PI4K2A: variants seen among roughly 807,000 people sequenced by gnomAD.
PI4K2A encodes the protein phosphatidylinositol 4-kinase type 2-alpha.
Under a neutral mutation model 55.0 loss-of-function variants are expected in PI4K2A, and 20 were observed. The observed-to-expected ratio is 0.36, with a 90% CI of 0.26 to 0.53. PI4K2A has a LOEUF of 0.53. Ranked by LOEUF, PI4K2A falls within the 20% of genes least tolerant of loss-of-function variation. The pLI is 0.91. For missense variants in PI4K2A, 463 were observed against 637.1 expected (o/e 0.73, Z 2.94); for synonymous variants, 235 against 258.5 (o/e 0.91, Z 0.87).
Position 97,656,758 on chromosome 10 carries a change from A to G in PI4K2A, c.769-63A>G, listed in dbSNP as rs2041556798. 6.6e-7 allele frequency: 1 copy of G among 1,505,634 alleles called. No individual in the cohort carries two copies. The highest frequency in any genetic ancestry group is 9.2e-7 in the Non-Finnish European group (1 of 1,086,262). The allele number at this position is 1,505,634 out of a possible 1,614,324, so 93.3% of individuals were successfully genotyped here. ...GGGCCTTAATGGGTATCTGGCATAT[A>G]CTCCAAAGGTCTTTGGATTTGGGCA... On this transcript the variant is annotated intron_variant, in intron 3 of 8. Transcript: ENST00000370631. This position sits in a 1 kb window ranked among gnomAD's most constrained non-coding sequence, Gnocchi z 4.5.
At chr10:97,667,180 T>C in intron 8 of PI4K2A, 60 bp downstream of exon 8, 4 of 1,266,062 alleles carry the variant, frequency 3.2e-6, no homozygotes, top group Non-Finnish European at 4.6e-6. Context: ...TGTGCTCAGG[T>C]TGAGCAAATG....
chr10:97,642,917 C>CTTTCTTTCT (rs750027122), intron 1 of PI4K2A, among the ~76,000 whole-genome samples: 211 of 123,688 alleles, frequency 1.7e-3, no homozygotes, highest in East Asian at 2.6e-3. Context: ...TCCTTCCTTC[C>CTTTCTTTCT]TTCCTTCCTT....
chr10:97,654,435 T>C (rs1362221493), intron 2 of PI4K2A, among the ~76,000 whole-genome samples: 1 of 152,090 alleles, frequency 6.6e-6, no homozygotes, highest in African/African-American at 2.4e-5. Context: ...CATGGAGCGA[T>C]AGATGAGAGG....
chr10:97,652,037 G>A (rs993279087), intron 2 of PI4K2A, among the ~76,000 whole-genome samples: 2 of 152,008 alleles, frequency 1.3e-5, no homozygotes, highest in Non-Finnish European at 2.9e-5. Flanking sequence ...TCCTGGCTCC[G>A]TGCTTAGTCT....
intron 8 of PI4K2A, 97 bp downstream of exon 8, chr10:97,667,217 C>CTT: frequency 4.2e-5 from 34 of 815,638 alleles, no homozygotes; most frequent in South Asian, 1.0e-4. Context: ...TATACCCCCC[C>CTT]CTTTTTTTTT....
chr10:97,654,347 C>T (rs2041542578), intron 2 of PI4K2A, among the ~76,000 whole-genome samples: 1 of 152,074 alleles, frequency 6.6e-6, no homozygotes, highest in Admixed American at 6.6e-5. Flanking sequence ...CCTGAGTTTT[C>T]TGATTTGTAA....
chr10:97,666,322 T>C, intron 6 of PI4K2A, 116 bp from the exon 7 acceptor site: 1 of 881,232 alleles, frequency 1.1e-6, no homozygotes, highest in East Asian at 2.5e-5. Flanking sequence ...TTTTTGTTTC[T>C]GTTGTATGTC....
rs2041558426 is a variant in PI4K2A, at chr10:97,657,038, A to G, written c.922+64A>G. 7.7e-6 allele frequency: 12 copies of G among 1,548,554 alleles called. No individual in the cohort carries two copies. The South Asian group carries it at 1.3e-4, about 17-fold the overall frequency. ...TGTGTTGAGGCATGGGGAGGCCTGGAGGCTTGCAGGGCTTGGGAGTCAGAG... is the reference window on the plus strand; with the variant it reads ...TGTGTTGAGGCATGGGGAGGCCTGGGGGCTTGCAGGGCTTGGGAGTCAGAG... On this transcript the variant is annotated intron_variant, in intron 4 of 8. Transcript: ENST00000370631.
exon 9 of PI4K2A, chr10:97,674,075 ATATTC>A: frequency 4.5e-6 from 1 of 223,836 alleles, no homozygotes; most frequent in South Asian, 1.6e-4. Flanking sequence ...ATTCCCTATT[ATATTC>A]TGCATCAGAA....
intron 5 of PI4K2A, among the ~76,000 whole-genome samples, chr10:97,663,867 T>TG (rs2041598126): frequency 6.6e-6 from 1 of 150,544 alleles, no homozygotes; most frequent in South Asian, 2.1e-4. Context: ...CTTGCTCTGT[T>TG]GCGCAGGCTG....
In PI4K2A at chr10:97,656,805, T is replaced by C; in HGVS notation, c.769-16T>C. 6.2e-7 allele frequency: 1 copy of C among 1,613,752 alleles called. No individual in the cohort carries two copies. Among genetic ancestry groups the C allele is most frequent in the Non-Finnish European group, 8.5e-7 (1 of 1,179,620 alleles). ...GGCAGTAGGGAAAAACCTTTGTTCC[T>C]TCCTCTTGGTTCCAGGTTGGTTCAT... On this transcript the variant is annotated splice_polypyrimidine_tract_variant and intron_variant, in intron 3 of 8. Transcript: ENST00000370631. This position sits in a 1 kb window ranked among gnomAD's most constrained non-coding sequence, Gnocchi z 4.5.
intron 6 of PI4K2A, among the ~76,000 whole-genome samples, chr10:97,665,908 T>C (rs1000458921): frequency 6.6e-6 from 1 of 152,210 alleles, no homozygotes; most frequent in African/African-American, 2.4e-5. Context: ...AATTTTTTAA[T>C]TTGTTATTTT....
At chr10:97,658,852 G>A (rs917555427) in intron 4 of PI4K2A, among the ~76,000 whole-genome samples, 1 of 152,078 alleles carries the variant, frequency 6.6e-6, no homozygotes, top group African/African-American at 2.4e-5. Flanking sequence ...CTTCTTATGT[G>A]CTGATTGGCC....
intron 4 of PI4K2A, among the ~76,000 whole-genome samples, chr10:97,662,218 G>T (rs2041587668): frequency 6.6e-6 from 1 of 152,094 alleles, no homozygotes; most frequent in Non-Finnish European, 1.5e-5. Context: ...TTTAAAGTCT[G>T]TATATTTTTA....
chr10:97,644,792 T>G (rs1794856522), intron 1 of PI4K2A, among the ~76,000 whole-genome samples: 1 of 152,196 alleles, frequency 6.6e-6, no homozygotes, highest in Admixed American at 6.5e-5. Flanking sequence ...AACTATAGTC[T>G]TTTTTCTTTT....
intron 8 of PI4K2A, among the ~76,000 whole-genome samples, chr10:97,671,333 T>C (rs2135763514): frequency 6.6e-6 from 1 of 152,258 alleles, no homozygotes; most frequent in East Asian, 1.9e-4. Flanking sequence ...ATGCCTGTTA[T>C]CCCAACACTT....
exon 1 of PI4K2A, chr10:97,640,974 G>A: frequency 6.6e-7 from 1 of 1,525,054 alleles, no homozygotes; most frequent in Non-Finnish European, 8.8e-7. Context: ...CCAAACCGTG[G>A]CGGCGCAGGC....
At chr10:97,671,829 G>A (rs7098558) in intron 8 of PI4K2A, among the ~76,000 whole-genome samples, 71,980 of 151,614 alleles carry the variant, frequency 0.47, 18,200 homozygotes, top group African/African-American at 0.66. Flanking sequence ...TGTAGAGATG[G>A]GGTTTCTCAA....
At chr10:97,649,749 G>A (rs370277738) in intron 1 of PI4K2A, among the ~76,000 whole-genome samples, 3 of 146,414 alleles carry the variant, frequency 2.0e-5, no homozygotes, top group Non-Finnish European at 4.5e-5. Flanking sequence ...TCAGCCTCCC[G>A]GGTAGCTGGG....
Sources: gnomAD v4.1 joint callset for allele counts (sites outside exome capture counted in the v4.1 genomes callset) on GRCh38, gnomAD v4.1.1 for gene constraint, Gnocchi (gnomAD v3.1) non-coding constraint, MANE v1.5 for transcripts, NCBI Gene and HGNC (gene_info 2026-07-23, HGNC 2026-07-21) for gene names.